The following RIT2 variants were observed in gnomAD, a reference collection of about 807,000 sequenced individuals.
RIT2 encodes the protein GTP-binding protein Rit2.
A neutral mutation model predicts 23.7 loss-of-function variants in RIT2; 24 were observed. The observed-to-expected ratio is 1.01, with a 90% CI of 0.73 to 1.43. RIT2 has a LOEUF of 1.43. Among genes scored for constraint, RIT2 ranks in the 40% most tolerant of loss-of-function variants. The pLI is 0.00. For missense variants in RIT2, 236 were observed against 266.9 expected (o/e 0.88, Z 0.81); for synonymous variants, 107 against 91.1 (o/e 1.17, Z -0.99).
At chr18:42,940,844 CA>C (rs1298852062) in intron 3 of RIT2, among the ~76,000 whole-genome samples, 8 of 152,142 alleles carry the variant, frequency 5.3e-5, no homozygotes, top group African/African-American at 1.9e-4. Flanking sequence ...ATGTACATTC[CA>C]AAATAGCATG....
chr18:43,095,638 T>C (rs947134678), intron 1 of RIT2, among the ~76,000 whole-genome samples: 35 of 151,998 alleles, frequency 2.3e-4, no homozygotes, highest in African/African-American at 7.7e-4. Flanking sequence ...TTCAATGTAA[T>C]CATTGTATCT....
intron 1 of RIT2, among the ~76,000 whole-genome samples, chr18:43,054,380 T>A (rs80038538): frequency 2.1e-3 from 319 of 152,198 alleles, no homozygotes; most frequent in Non-Finnish European, 4.0e-3. Flanking sequence ...CAAAGAAGAC[T>A]AATCTTTAAC....
chr18:42,888,534 T>C (rs949466113), intron 4 of RIT2, among the ~76,000 whole-genome samples: 1 of 151,992 alleles, frequency 6.6e-6, no homozygotes, highest in African/African-American at 2.4e-5. Context: ...TTTTTTATTT[T>C]TTTTCTTTTT....
chr18:42,857,520 T>C (rs527889959), intron 4 of RIT2, among the ~76,000 whole-genome samples: 3 of 152,254 alleles, frequency 2.0e-5, no homozygotes, highest in Non-Finnish European at 4.4e-5. Context: ...ATTATACAAA[T>C]AAATTACTAA....
intron 4 of RIT2, among the ~76,000 whole-genome samples, chr18:42,876,981 GACTACTCCCTGT>G (rs1449797528): frequency 4.0e-5 from 6 of 151,666 alleles, no homozygotes; most frequent in Admixed American, 1.3e-4. Flanking sequence ...TCACTAGATG[GACTACTCCCTGT>G]ACTAAAGAAT....
intron 4 of RIT2, among the ~76,000 whole-genome samples, chr18:42,888,748 T>C (rs377012028): frequency 3.3e-5 from 5 of 152,204 alleles, no homozygotes; most frequent in African/African-American, 1.2e-4. Flanking sequence ...AATGAAATCA[T>C]GTCTATTGCA....
chr18:42,792,249 T>A (rs1285006430), intron 4 of RIT2, among the ~76,000 whole-genome samples: 1 of 152,198 alleles, frequency 6.6e-6, no homozygotes, highest in Non-Finnish European at 1.5e-5. Context: ...CAACTTTATT[T>A]GGGTGCTCTT....
chr18:43,013,202 C>G (rs1911391166), intron 2 of RIT2, among the ~76,000 whole-genome samples: 1 of 151,792 alleles, frequency 6.6e-6, no homozygotes, highest in Non-Finnish European at 1.5e-5. Flanking sequence ...TGAAAAGATT[C>G]TTATTTGAAC....
intron 4 of RIT2, among the ~76,000 whole-genome samples, chr18:42,896,950 T>C (rs1908346709): frequency 6.6e-6 from 1 of 152,212 alleles, no homozygotes; most frequent in African/African-American, 2.4e-5. Context: ...TTGGCTTATC[T>C]GGTTTTCTTC....
chr18:42,757,885 G>A (rs1168472595), intron 4 of RIT2, among the ~76,000 whole-genome samples: 1 of 152,072 alleles, frequency 6.6e-6, no homozygotes, highest in Non-Finnish European at 1.5e-5. Context: ...TCCTGGACTA[G>A]CACCTAGAAA....
At chr18:42,749,586 T>C (rs987322174) in intron 4 of RIT2, among the ~76,000 whole-genome samples, 23 of 151,762 alleles carry the variant, frequency 1.5e-4, no homozygotes, top group Non-Finnish European at 2.5e-4. Context: ...TTAAGGGTGA[T>C]GAAGAAAAAT....
At chr18:42,792,070 G>A (rs972696818) in intron 4 of RIT2, among the ~76,000 whole-genome samples, 2 of 152,156 alleles carry the variant, frequency 1.3e-5, no homozygotes, top group Non-Finnish European at 2.9e-5. Flanking sequence ...AAACTGATCC[G>A]AAGATGGAGC....
chr18:42,894,235 C>G (rs1908261313), intron 4 of RIT2, among the ~76,000 whole-genome samples: 1 of 152,114 alleles, frequency 6.6e-6, no homozygotes, highest in Non-Finnish European at 1.5e-5. Context: ...GCTGGTGAAA[C>G]AAAAAGATTG....
At chr18:42,818,378 C>T (rs1423612194) in intron 4 of RIT2, among the ~76,000 whole-genome samples, 2 of 152,004 alleles carry the variant, frequency 1.3e-5, no homozygotes, top group African/African-American at 2.4e-5. Context: ...AAGTGGGATG[C>T]TTTTCTTCTG....
At chr18:42,917,637 G>C (rs542668589) in intron 4 of RIT2, among the ~76,000 whole-genome samples, 2 of 152,196 alleles carry the variant, frequency 1.3e-5, no homozygotes, top group South Asian at 4.1e-4. Flanking sequence ...CCACAATTCT[G>C]CTCAAATGTT....
intron 1 of RIT2, among the ~76,000 whole-genome samples, chr18:43,057,618 T>C (rs1464382019): frequency 1.3e-5 from 2 of 151,508 alleles, no homozygotes; most frequent in African/African-American, 4.8e-5. Context: ...TGCACATGCA[T>C]TAAACTGGCA....
intron 2 of RIT2, among the ~76,000 whole-genome samples, chr18:43,015,836 G>A (rs1911462585): frequency 6.6e-6 from 1 of 151,726 alleles, no homozygotes; most frequent in African/African-American, 2.4e-5. Context: ...TAGAAGTAGA[G>A]TAAAACATTG....
intron 1 of RIT2, among the ~76,000 whole-genome samples, chr18:43,034,079 A>G (rs1406975108): frequency 1.3e-5 from 2 of 152,162 alleles, no homozygotes; most frequent in East Asian, 3.9e-4. Flanking sequence ...TCTGAAATAA[A>G]TATGTTCAAA....
At chr18:42,866,667 TCTC>T (rs949207647) in intron 4 of RIT2, among the ~76,000 whole-genome samples, 37 of 151,764 alleles carry the variant, frequency 2.4e-4, no homozygotes, top group Admixed American at 3.9e-4. Flanking sequence ...AAACACCCCT[TCTC>T]CTAGGGTCAC....
Sources: gnomAD v4.1 joint callset for allele counts (sites outside exome capture counted in the v4.1 genomes callset) on GRCh38, gnomAD v4.1.1 for gene constraint, MANE v1.5 for transcripts, NCBI Gene and HGNC (gene_info 2026-07-23, HGNC 2026-07-21) for gene names.